The following GUCY1A2 variants were observed in gnomAD, a reference collection of about 807,000 sequenced individuals.
The protein encoded by GUCY1A2 is guanylate cyclase soluble subunit alpha-2.
Under a neutral mutation model 63.5 loss-of-function variants are expected in GUCY1A2, and 27 were observed. The ratio of observed to expected loss-of-function variants is 0.43; its 90% CI spans 0.31 to 0.59. The LOEUF (loss-of-function observed/expected upper bound fraction) is 0.59. Ranked by LOEUF, GUCY1A2 falls within the 20% of genes least tolerant of loss-of-function variation. The pLI, the probability that GUCY1A2 is intolerant of heterozygous loss-of-function variation, is 0.11. For missense variants in GUCY1A2, 768 were observed against 913.3 expected (o/e 0.84, Z 2.05); for synonymous variants, 364 against 343.5 (o/e 1.06, Z -0.66).
rs970925107 is a variant in GUCY1A2, at chr11:106,734,822, G to A, written c.1837-26156C>T. ...GAGGTTGGAACATCTCGATTTTAGC[G>A]GAAGATGAGCAAAAGAATGTTTGCA... is the stretch of plus-strand genomic sequence containing the variant. On this transcript the variant is annotated intron_variant, in intron 6 of 7. Transcript: ENST00000526355. Among the ~76,000 whole-genome samples the A allele has an allele frequency of 7.2e-5, 11 of 152,064 alleles. No individual in the cohort carries two copies. In the East Asian group the frequency reaches 7.7e-4, roughly 11 times the overall value.
At chr11:106,893,820 A>G (rs1860008152) in intron 4 of GUCY1A2, among the ~76,000 whole-genome samples, 1 of 152,134 alleles carries the variant, frequency 6.6e-6, no homozygotes, top group Non-Finnish European at 1.5e-5. Context: ...AAATTACTGG[A>G]GGCTCGGTGT....
chr11:106,860,605 G>A (rs1286226549), intron 4 of GUCY1A2, among the ~76,000 whole-genome samples: 3 of 151,958 alleles, frequency 2.0e-5, no homozygotes, highest in African/African-American at 4.8e-5. Context: ...TGTATAAAGA[G>A]AGTAAGTGAG....
intron 5 of GUCY1A2, among the ~76,000 whole-genome samples, chr11:106,778,167 C>T (rs867288654): frequency 1.3e-5 from 2 of 152,018 alleles, no homozygotes; most frequent in African/African-American, 4.8e-5. Flanking sequence ...CTAATAAAAT[C>T]CTCAATAGTT....
At chr11:106,700,262 A>G (rs986621112) in intron 7 of GUCY1A2, among the ~76,000 whole-genome samples, 3 of 152,152 alleles carry the variant, frequency 2.0e-5, no homozygotes, top group Non-Finnish European at 4.4e-5. Context: ...CTTCACTGCA[A>G]TGGCCTTAAA....
At chr11:106,875,087 C>A (rs1188985435) in intron 4 of GUCY1A2, among the ~76,000 whole-genome samples, 1 of 152,100 alleles carries the variant, frequency 6.6e-6, no homozygotes, top group Non-Finnish European at 1.5e-5. Flanking sequence ...GATTTATCAA[C>A]CAGGTTTTTG....
At chr11:106,916,818 A>G (rs1860376094) in intron 4 of GUCY1A2, among the ~76,000 whole-genome samples, 1 of 145,722 alleles carries the variant, frequency 6.9e-6, no homozygotes, top group African/African-American at 2.4e-5. Flanking sequence ...CATATGAAAG[A>G]CAACTTACAT....
In GUCY1A2 at chr11:106,705,446, T is replaced by C. The variant is rs141753315; in HGVS notation, c.1991+3066A>G. Among the ~76,000 whole-genome samples the C allele has an allele frequency of 2.5e-4, 38 of 152,242 alleles. 1 individual carries two copies. The East Asian group carries it at 5.8e-3, about 23-fold the overall frequency. On this transcript the variant is annotated intron_variant, in intron 7 of 7. Transcript: ENST00000526355. Reference sequence around the variant, plus strand: ...TAGATCTTAAAAGTATTAAATTGTGTTTAAAAGAAACCAAAGTTAGTGATA... The same window carrying C: ...TAGATCTTAAAAGTATTAAATTGTGCTTAAAAGAAACCAAAGTTAGTGATA...
At chr11:106,867,355 G>C (rs924273046) in intron 4 of GUCY1A2, among the ~76,000 whole-genome samples, 3 of 152,062 alleles carry the variant, frequency 2.0e-5, no homozygotes, top group African/African-American at 7.2e-5. Flanking sequence ...CTAGGAGATA[G>C]ACATACGTAT....
At chr11:106,762,930 G>A (rs971825012) in intron 6 of GUCY1A2, among the ~76,000 whole-genome samples, 1 of 152,042 alleles carries the variant, frequency 6.6e-6, no homozygotes, top group South Asian at 2.1e-4. Flanking sequence ...TTTTTATTCT[G>A]TGCAGTTGTA....
intron 4 of GUCY1A2, among the ~76,000 whole-genome samples, chr11:106,850,252 C>T (rs139954136): frequency 3.2e-4 from 48 of 151,646 alleles, no homozygotes; most frequent in African/African-American, 9.6e-4. Context: ...ATTTATGGAA[C>T]GTAGAATGGT....
chr11:107,009,845 A>G (rs1019501681), intron 1 of GUCY1A2, among the ~76,000 whole-genome samples: 1 of 152,208 alleles, frequency 6.6e-6, no homozygotes, highest in Non-Finnish European at 1.5e-5. Context: ...ACTGCTCAGT[A>G]GTCCTCAAGG....
chr11:106,696,953 G>A (rs1411922990), intron 7 of GUCY1A2, among the ~76,000 whole-genome samples: 1 of 152,136 alleles, frequency 6.6e-6, no homozygotes, highest in Non-Finnish European at 1.5e-5. Context: ...CATTAGTTAA[G>A]TCGCTTAAAT....
rs531758512 is a variant in GUCY1A2 at position 106,956,267 on chromosome 11, T to C, written c.488-16089A>G. Among the ~76,000 whole-genome samples the C allele has an allele frequency of 9.2e-5, 14 of 152,196 alleles. No individual in the cohort carries two copies. In the South Asian group the frequency reaches 2.9e-3, roughly 32 times the overall value. On this transcript the variant is annotated intron_variant, in intron 3 of 7. Transcript: ENST00000526355. ...TCATAGTTTTTTATTATCCATCTTC[T>C]GAAGCCTACTTCTGTCAATCCGTCC...
intron 3 of GUCY1A2, among the ~76,000 whole-genome samples, chr11:106,940,530 A>G (rs1270147669): frequency 6.6e-6 from 1 of 152,138 alleles, no homozygotes; most frequent in Non-Finnish European, 1.5e-5. Context: ...CCCCATTATC[A>G]TATCTCCCAC....
chr11:106,944,817 A>C (rs1860804419), intron 3 of GUCY1A2, among the ~76,000 whole-genome samples: 1 of 152,282 alleles, frequency 6.6e-6, no homozygotes, highest in South Asian at 2.1e-4. Context: ...CATACACTAC[A>C]AAACTATCAG....
At chr11:106,951,929 G>C (rs949421195) in intron 3 of GUCY1A2, among the ~76,000 whole-genome samples, 1 of 152,140 alleles carries the variant, frequency 6.6e-6, no homozygotes, top group African/African-American at 2.4e-5. Flanking sequence ...TGTAAGAAAG[G>C]GGTCTAGTTT....
chr11:107,004,850 C>A (rs943496023), intron 1 of GUCY1A2, among the ~76,000 whole-genome samples: 1 of 152,096 alleles, frequency 6.6e-6, no homozygotes, highest in Admixed American at 6.6e-5. Flanking sequence ...ACATGAGGAA[C>A]CGAACAATAG....
At chr11:106,950,983 C>T (rs1053622409) in intron 3 of GUCY1A2, among the ~76,000 whole-genome samples, 44 of 152,258 alleles carry the variant, frequency 2.9e-4, no homozygotes, top group African/African-American at 9.9e-4. Flanking sequence ...TGAGTGAGAA[C>T]ATGCAGTGTT....
intron 4 of GUCY1A2, among the ~76,000 whole-genome samples, chr11:106,884,859 G>A (rs1350088194): frequency 6.6e-6 from 1 of 152,050 alleles, no homozygotes; most frequent in African/African-American, 2.4e-5. Context: ...GCCCAAATGA[G>A]AGTTTAAAAT....
Sources: allele counts gnomAD v4.1 joint callset (sites outside exome capture counted in the v4.1 genomes callset), GRCh38; gene constraint gnomAD v4.1.1; transcripts MANE v1.5; gene names NCBI Gene and HGNC (gene_info 2026-07-23, HGNC 2026-07-21).